KCNC1: variants seen among roughly 807,000 people sequenced by gnomAD.
KCNC1 encodes the protein voltage-gated potassium channel KCNC1.
KCNC1 carries 8 observed loss-of-function variants against 43.4 expected under a neutral mutation model. That is an observed-to-expected ratio of 0.18 (90% CI 0.11 to 0.33). The LOEUF (loss-of-function observed/expected upper bound fraction) is 0.33, where lower values mean the gene tolerates loss of function less well. KCNC1 is among the 10% of genes least tolerant of loss of function. The pLI, the probability that KCNC1 is intolerant of heterozygous loss-of-function variation, is 1.00. For missense variants in KCNC1, 420 were observed against 836.0 expected, an observed-to-expected ratio of 0.50 and a Z score of 6.14; for synonymous variants, 361 against 360.5, an observed-to-expected ratio of 1.00 and a Z score of -0.01.
intron 1 of KCNC1, among the ~76,000 whole-genome samples, chr11:17,761,592 G>A (rs1195492388): frequency 6.6e-6 from 1 of 152,160 alleles, no homozygotes; most frequent in Non-Finnish European, 1.5e-5. Flanking sequence ...CATATGGTTC[G>A]TGGCCGAGCT....
At chr11:17,746,834 C>T (rs1257130583) in intron 1 of KCNC1, among the ~76,000 whole-genome samples, 2 of 152,122 alleles carry the variant, frequency 1.3e-5, no homozygotes, top group African/African-American at 4.8e-5. Flanking sequence ...GAATCCCAGC[C>T]CCACTACCTT....
At chr11:17,772,705 G>T in intron 2 of KCNC1, 107 bp downstream of exon 2, 3 of 1,530,918 alleles carry the variant, frequency 2.0e-6, no homozygotes, top group Non-Finnish European at 2.6e-6. Context: ...GGGTGACCCC[G>T]GACCCCGCAC....
chr11:17,771,751 G>A lies in KCNC1; in HGVS notation c.657G>A (p.Val219=), dbSNP rs1441363399. ...CCCACGAGCGCTTCAACCCCATCGT[G>A]AACAAGACGGAGATCGAGAACGTTC... ...LETHERFNPI[V]NKTEIENVRN... Residue 219 remains valine, a synonymous_variant, in exon 2 of 4, where the codon GTG becomes GTA. Transcript: ENST00000265969. This position sits in a 1 kb window ranked among gnomAD's most constrained non-coding sequence, Gnocchi z 4.7. The A allele has an allele frequency of 2.5e-6, 4 of 1,614,236 alleles. No homozygotes were observed. Among genetic ancestry groups the A allele is most frequent in the Non-Finnish European group, 3.4e-6 (4 of 1,180,032 alleles).
rs553041916 is a variant in KCNC1, at chr11:17,740,670, A to T, written c.570+4098A>T. On this transcript the variant is annotated intron_variant, in intron 1 of 3. Transcript: ENST00000265969. ...TGTGTGTGTTTGTGTGTGTGTGTTAACATCTGTTCCTGAGTCACTTGACCT... is the reference window on the plus strand; with the variant it reads ...TGTGTGTGTTTGTGTGTGTGTGTTATCATCTGTTCCTGAGTCACTTGACCT... Among the ~76,000 whole-genome samples the T allele has an allele frequency of 5.9e-5, 9 of 152,104 alleles. No homozygotes were observed. In the South Asian group the frequency reaches 1.7e-3, roughly 28 times the overall value.
Position 17,739,787 on chromosome 11 carries a change from CAG to C in KCNC1, c.570+3219_570+3220del, listed in dbSNP as rs1215186738. Among the ~76,000 whole-genome samples, 2 of 151,444 alleles carry C rather than the reference CAG, an allele frequency of 1.3e-5. No individual in the cohort carries two copies. The highest frequency in any genetic ancestry group is 2.4e-5 in the African/African-American group (1 of 41,154). ...ACTGTATGTGAAGGTGTGTGTAAGA[CAG>C]AGATTGTGTGTGAAATCCTGTGTGT... On this transcript the variant is annotated intron_variant, in intron 1 of 3. Coordinates refer to ENST00000265969, the MANE Select transcript of KCNC1 (RefSeq NM_001112741.2). The surrounding 1 kb of genome is among the most constrained non-coding windows in gnomAD (Gnocchi z 4.2).
At chr11:17,756,278 C>T (rs191605753) in intron 1 of KCNC1, among the ~76,000 whole-genome samples, 1 of 152,304 alleles carries the variant, frequency 6.6e-6, no homozygotes, top group Non-Finnish European at 1.5e-5. Flanking sequence ...CTTGATGCCC[C>T]TGTCAGCTCA....
chr11:17,773,070 A>C lies in KCNC1; in HGVS notation c.1504+472A>C. 2.0e-6 allele frequency: 2 copies of C among 1,006,010 alleles called. No individual in the cohort carries two copies. Among genetic ancestry groups the C allele is most frequent in the Non-Finnish European group, 2.4e-6 (2 of 843,078 alleles). The allele number at this position is 1,006,010 out of a possible 1,614,324, so 62.3% of individuals were successfully genotyped here. On this transcript the variant is annotated intron_variant, in intron 2 of 3. Transcript: ENST00000265969. The surrounding 1 kb of genome is among the most constrained non-coding windows in gnomAD (Gnocchi z 4.1). The stretch of plus-strand genomic sequence containing the variant: ...GCTGTGTAGATGGCAGAGATGGTGC[A>C]TGGGATCTGGGCAGGAGGGTCCCTT...
At chr11:17,747,735 G>A (rs899619935) in intron 1 of KCNC1, among the ~76,000 whole-genome samples, 1 of 152,196 alleles carries the variant, frequency 6.6e-6, no homozygotes, top group Non-Finnish European at 1.5e-5. Context: ...CTGCCTCAGT[G>A]TGAGCCATGG....
intron 1 of KCNC1, among the ~76,000 whole-genome samples, chr11:17,765,056 C>G (rs1205337731): frequency 2.0e-5 from 3 of 152,184 alleles, no homozygotes; most frequent in Non-Finnish European, 4.4e-5. Flanking sequence ...GATTAGCTAT[C>G]ACATGCCCCC....
intron 2 of KCNC1, chr11:17,775,514 C>A (rs1021159253): frequency 2.0e-6 from 2 of 985,500 alleles, no homozygotes; most frequent in Non-Finnish European, 2.4e-6. Flanking sequence ...GCTAGGAGGG[C>A]GCCCTGGCAC....
At chr11:17,745,202 G>T (rs1023304338) in intron 1 of KCNC1, among the ~76,000 whole-genome samples, 8 of 152,152 alleles carry the variant, frequency 5.3e-5, no homozygotes, top group African/African-American at 1.9e-4. Context: ...GGATGGGCGT[G>T]TGTGGGTTGG....
rs1368881336 is a variant in KCNC1, at chr11:17,735,939, A to G, written c.-64A>G. 81 of 1,377,482 alleles carry G rather than the reference A, an allele frequency of 5.9e-5. No individual in the cohort carries two copies. Among genetic ancestry groups the G allele is most frequent in the Non-Finnish European group, 7.2e-5 (77 of 1,074,174 alleles). The allele number at this position is 1,377,482 out of a possible 1,614,324, so 85.3% of individuals were successfully genotyped here. A position where few individuals can be genotyped will look rare whatever the true frequency, so the allele number is the denominator to read the frequency against. On this transcript the variant is annotated 5_prime_UTR_variant, in exon 1 of 4. Transcript: ENST00000265969. This position sits in a 1 kb window ranked among gnomAD's most constrained non-coding sequence, Gnocchi z 6.7. ...GCGCGCGCCCCCCTCCCCGGCGCCA[A>G]CTCCCCCTGGCGGCCGCTCCCATGG...
At position 17,773,135 on chromosome 11, in the gene KCNC1, T is replaced by C; in HGVS notation, c.1504+537T>C. 1 of 989,794 alleles carries C rather than the reference T, an allele frequency of 1.0e-6. No homozygotes were observed. The highest frequency in any genetic ancestry group is 1.7e-5 in the African/African-American group (1 of 57,384). 61.3% of individuals were successfully genotyped at this position (989,794 alleles called of 1,614,324 possible). On this transcript the variant is annotated intron_variant, in intron 2 of 3. Coordinates refer to ENST00000265969, the MANE Select transcript of KCNC1 (RefSeq NM_001112741.2). The surrounding 1 kb of genome is among the most constrained non-coding windows in gnomAD (Gnocchi z 4.1). ...AAGGGTTCTCACCCCCGGCAGAGCC[T>C]GTCTCCATAGCTGAGTAGAATTCCT...
Position 17,776,535 on chromosome 11 carries a change from A to T in KCNC1, c.1505-2921A>T. ...TCCTTGCTCCAAAGTTTAAAAAAAA[A>T]TGACCCTCTCGCAGATGCTCATCTC... On this transcript the variant is annotated intron_variant, in intron 2 of 3. Coordinates refer to ENST00000265969, the MANE Select transcript of KCNC1 (RefSeq NM_001112741.2). The surrounding 1 kb of genome is among the most constrained non-coding windows in gnomAD (Gnocchi z 4.4). 1.0e-6 allele frequency: 1 copy of T among 985,412 alleles called. No homozygotes were observed. The allele number at this position is 985,412 out of a possible 1,614,324, so 61.0% of individuals were successfully genotyped here.
At position 17,736,340 on chromosome 11, in the gene KCNC1, G is replaced by A. The variant is rs1437341497; in HGVS notation, c.338G>A (p.Arg113His). 6.2e-7 allele frequency: 1 copy of A among 1,612,876 alleles called. No homozygotes were observed. Among genetic ancestry groups the A allele is most frequent in the African/African-American group, 1.3e-5 (1 of 74,908 alleles). ...PCCWMTYRQH[R>H]DAEEALDSFG... ...TGCTGGATGACGTACCGCCAGCACC[G>A]CGACGCCGAGGAGGCTCTGGACAGC... The change falls in exon 1 of 4, where the codon CGC (arginine) becomes CAC (histidine). Residue 113 changes from arginine to histidine, a missense_variant. Physicochemically the swap from Arg to His is conservative, Grantham distance 29. Around this residue, in one of 5 missense-constraint regions of KCNC1, gnomAD observed 22 missense variants for 104.8 expected, o/e 0.21. Coordinates refer to ENST00000265969, the MANE Select transcript of KCNC1 (RefSeq NM_001112741.2). This position sits in a 1 kb window ranked among gnomAD's most constrained non-coding sequence, Gnocchi z 9.3.
rs570099046 is a variant in KCNC1, at chr11:17,769,088, C to G, written c.571-2577C>G. Among the ~76,000 whole-genome samples the G allele has an allele frequency of 9.2e-4, 140 of 152,378 alleles. 1 individual carries two copies. The highest frequency in any genetic ancestry group is 3.3e-3 in the African/African-American group (137 of 41,588). ...GGAGCCATGGCTTTGAGCCTCTACC[C>G]TGCCTCTCTCAAGTGCGCCCACATT... On this transcript the variant is annotated intron_variant, in intron 1 of 3. Coordinates refer to ENST00000265969, the MANE Select transcript of KCNC1 (RefSeq NM_001112741.2).
rs939081065 is a variant in KCNC1, at chr11:17,742,317, G to T, written c.570+5745G>T. On this transcript the variant is annotated intron_variant, in intron 1 of 3. Coordinates refer to ENST00000265969, the MANE Select transcript of KCNC1 (RefSeq NM_001112741.2). The surrounding 1 kb of genome is among the most constrained non-coding windows in gnomAD (Gnocchi z 4.2). ...GAAGTCTATCAAGGAGGGAGGTGGT[G>T]GTTGTCTCAGAGGTGGGGGAGGGGG... 1.3e-5 allele frequency among the ~76,000 whole-genome samples: 2 copies of T among 152,122 alleles called. No homozygotes were observed. The highest frequency in any genetic ancestry group is 2.9e-5 in the Non-Finnish European group (2 of 68,000).
In KCNC1 at chr11:17,779,405, C is replaced by T. The variant is rs778597538; in HGVS notation, c.1505-51C>T. ...GCTTCTGGCCTGTCCCCCCCTGCCC[C>T]CCACTAAACAGTTTTCAGTGTCTCA... On this transcript the variant is annotated intron_variant, in intron 2 of 3. Transcript: ENST00000265969. This position sits in a 1 kb window ranked among gnomAD's most constrained non-coding sequence, Gnocchi z 7.2. 2.0e-5 allele frequency: 28 copies of T among 1,389,096 alleles called. No individual in the cohort carries two copies. The South Asian group carries it at 4.6e-4, about 23-fold the overall frequency. The allele number at this position is 1,389,096 out of a possible 1,614,324, so 86.0% of individuals were successfully genotyped here.
chr11:17,752,080 T>G (rs557951701), intron 1 of KCNC1, among the ~76,000 whole-genome samples: 1 of 152,300 alleles, frequency 6.6e-6, no homozygotes, highest in East Asian at 1.9e-4. Context: ...CCCCAGGTGT[T>G]AGCCATGAAC....
Sources: gnomAD v4.1 joint callset for allele counts (sites outside exome capture counted in the v4.1 genomes callset) on GRCh38, gnomAD v4.1.1 for gene constraint, gnomAD v4.1.1 regional missense constraint, Gnocchi (gnomAD v3.1) non-coding constraint, MANE v1.5 for transcripts, NCBI Gene and HGNC (gene_info 2026-07-23, HGNC 2026-07-21) for gene names.